Variants in FAT4 observed in about 807,000 individuals in gnomAD.
The protein encoded by FAT4 is FAT atypical cadherin 4.
FAT4 carries 84 observed loss-of-function variants against 303.9 expected under a neutral mutation model. That is an observed-to-expected ratio of 0.28 (90% CI 0.23 to 0.33). The LOEUF (loss-of-function observed/expected upper bound fraction) is 0.33, where lower values mean the gene tolerates loss of function less well. Among genes scored for constraint, FAT4 ranks in the 10% least tolerant of loss-of-function variants. The pLI is 1.00. For missense variants in FAT4, 6,005 were observed against 6,146.8 expected (o/e 0.98, Z 0.77); for synonymous variants, 2,307 against 2,298.8 (o/e 1.00, Z -0.10).
At chr4:125,394,469 T>C (rs1014684860) in intron 2 of FAT4, among the ~76,000 whole-genome samples, 25 of 152,174 alleles carry the variant, frequency 1.6e-4, no homozygotes, top group Non-Finnish European at 3.1e-4. Context: ...AACATATGCT[T>C]TTTTAGTTTA....
intron 16 of FAT4, among the ~76,000 whole-genome samples, chr4:125,484,424 G>A (rs1401506213): frequency 1.3e-5 from 2 of 151,896 alleles, no homozygotes; most frequent in Admixed American, 1.3e-4. Flanking sequence ...GTAATGTGAT[G>A]GACTTTATTT....
At chr4:125,423,605 G>T (rs1426571370) in intron 7 of FAT4, among the ~76,000 whole-genome samples, 2 of 152,208 alleles carry the variant, frequency 1.3e-5, no homozygotes, top group Non-Finnish European at 2.9e-5. Flanking sequence ...GCCTGCTGGG[G>T]CATTGCCTCA....
intron 8 of FAT4, among the ~76,000 whole-genome samples, chr4:125,439,815 A>C (rs1725590846): frequency 6.6e-6 from 1 of 152,204 alleles, no homozygotes; most frequent in South Asian, 2.1e-4. Context: ...AGAAATGCTC[A>C]GAATTTCTGT....
rs142721428 is a variant in FAT4, at chr4:125,342,350, A to T, written c.5175+20764A>T. ...AAAGTAAAATTTTTATCAAGCTCAAATAATTTCAAAGCATAGTTCAAGAGA... is the reference window on the plus strand; with the variant it reads ...AAAGTAAAATTTTTATCAAGCTCAATTAATTTCAAAGCATAGTTCAAGAGA... On this transcript the variant is annotated intron_variant, in intron 2 of 17. Transcript: ENST00000394329. Among the ~76,000 whole-genome samples, 763 of 152,164 alleles carry T rather than the reference A, an allele frequency of 5.0e-3. 32 individuals carry two copies. The South Asian group carries it at 0.076, about 15-fold the overall frequency.
intron 2 of FAT4, among the ~76,000 whole-genome samples, chr4:125,389,381 A>G (rs915211451): frequency 6.6e-6 from 1 of 152,172 alleles, no homozygotes; most frequent in Non-Finnish European, 1.5e-5. Context: ...ATAACGTAAT[A>G]AAATGGCCTT....
At chr4:125,463,772 A>G (rs1726564055) in intron 11 of FAT4, 105 bp downstream of exon 11, 1 of 572,610 alleles carries the variant, frequency 1.7e-6, no homozygotes, top group Non-Finnish European at 3.0e-6. Flanking sequence ...TTATTGTTTT[A>G]CATGGAAGGT....
intron 7 of FAT4, among the ~76,000 whole-genome samples, chr4:125,419,069 AT>A (rs1215672665): frequency 6.6e-6 from 1 of 152,210 alleles, no homozygotes; most frequent in African/African-American, 2.4e-5. Context: ...TACCTCTGAC[AT>A]TCCCAGCTAT....
At chr4:125,428,483 C>G (rs1047324680) in intron 7 of FAT4, among the ~76,000 whole-genome samples, 8 of 152,118 alleles carry the variant, frequency 5.3e-5, no homozygotes, top group African/African-American at 1.9e-4. Context: ...GAAGATTAAC[C>G]TGTGCACAGT....
At position 125,321,545 on chromosome 4, in the gene FAT4, A is replaced by G. The variant is rs1156267761; in HGVS notation, c.5134A>G (p.Ile1712Val). ...ACLYLVDVYA[I>V]EKSTAFPRTQ... ...TCTTTACCTGGTGGATGTTTATGCCATAGAAAAATCAACTGCTTTTCCCAG... is the reference window on the plus strand; with the variant it reads ...TCTTTACCTGGTGGATGTTTATGCCGTAGAAAAATCAACTGCTTTTCCCAG... Residue 1712 changes from isoleucine to valine, a missense_variant, in exon 2 of 18, where the codon ATA becomes GTA. Ile to Val is a conservative substitution (Grantham distance 29). Transcript: ENST00000394329. 4 of 1,612,384 alleles carry G rather than the reference A, an allele frequency of 2.5e-6. No individual in the cohort carries two copies. Among genetic ancestry groups the G allele is most frequent in the Middle Eastern group, 1.7e-4 (1 of 6,044 alleles).
At chr4:125,412,907 A>G (rs1734900316) in intron 5 of FAT4, among the ~76,000 whole-genome samples, 2 of 151,832 alleles carry the variant, frequency 1.3e-5, no homozygotes, top group South Asian at 4.1e-4. Context: ...ATGTCCCCAA[A>G]AGAATGGGGA....
intron 12 of FAT4, 112 bp downstream of exon 12, chr4:125,468,931 G>A: frequency 1.7e-6 from 2 of 1,176,470 alleles, no homozygotes; most frequent in Non-Finnish European, 2.4e-6. Flanking sequence ...GAACACTTTA[G>A]TTATGAAAAA....
At position 125,446,404 on chromosome 4, in the gene FAT4, G is replaced by C; in HGVS notation, c.7311G>C (p.Val2437=). 6.2e-7 allele frequency: 1 copy of C among 1,613,430 alleles called. No individual in the cohort carries two copies. The highest frequency in any genetic ancestry group is 8.5e-7 in the Non-Finnish European group (1 of 1,179,542). The change falls in exon 9 of 18, where the codon GTG becomes GTC. Residue 2437 remains valine (V), a synonymous_variant. Transcript: ENST00000394329. ...RETKDNYTLV[V]VCSDAGSPEP... is the part of the protein sequence containing the mutation. ...CAAAAGATAATTATACTTTGGTAGT[G>C]GTCTGCAGTGATGCGGGATCCCCAG...
chr4:125,490,915 T>C lies in FAT4; in HGVS notation c.14099T>C (p.Leu4700Pro), dbSNP rs1013500182. The C allele has an allele frequency of 4.3e-6, 7 of 1,614,202 alleles. No homozygotes were observed. Among genetic ancestry groups the C allele is most frequent in the Non-Finnish European group, 5.9e-6 (7 of 1,180,032 alleles). The stretch of plus-strand genomic sequence containing the variant: ...TCAGCATGCCCAACTCCCAACCCTC[T>C]GTCTCGACACAGTCCAGCCCCTTTC... The part of the protein sequence containing the change: ...SHSACPTPNP[L>P]SRHSPAPFSK... The change falls in exon 18 of 18, where the codon CTG becomes CCG. Residue 4700 changes from leucine (L) to proline (P), a missense_variant. Leu to Pro is a moderately conservative substitution (Grantham distance 98). Coordinates refer to ENST00000394329, the MANE Select transcript of FAT4 (RefSeq NM_001291303.3).
At chr4:125,439,903 A>T (rs1329828170) in intron 8 of FAT4, among the ~76,000 whole-genome samples, 6 of 152,192 alleles carry the variant, frequency 3.9e-5, no homozygotes, top group Admixed American at 2.0e-4. Flanking sequence ...TTTCTGCATC[A>T]ATAAAAATGA....
chr4:125,488,844 G>A (rs956665294), intron 17 of FAT4, among the ~76,000 whole-genome samples: 2 of 152,112 alleles, frequency 1.3e-5, no homozygotes, highest in African/African-American at 2.4e-5. Flanking sequence ...ACATGAGGGC[G>A]TAGAGTGAAA....
At chr4:125,436,047 G>T (rs145841119) in intron 8 of FAT4, among the ~76,000 whole-genome samples, 1 of 149,150 alleles carries the variant, frequency 6.7e-6, no homozygotes, top group East Asian at 2.0e-4. Flanking sequence ...TCATGGGGTC[G>T]GGGGAGGGGG....
At chr4:125,398,479 T>C (rs1734263368) in intron 2 of FAT4, among the ~76,000 whole-genome samples, 1 of 152,178 alleles carries the variant, frequency 6.6e-6, no homozygotes, top group African/African-American at 2.4e-5. Flanking sequence ...AGTTCCATAG[T>C]GATGTGCAAA....
chr4:125,486,804 G>T (rs997814158), intron 16 of FAT4, among the ~76,000 whole-genome samples: 1 of 152,138 alleles, frequency 6.6e-6, no homozygotes, highest in African/African-American at 2.4e-5. Context: ...CTCAATAAAT[G>T]ATATAAACAA....
chr4:125,358,729 C>A (rs927425445), intron 2 of FAT4, among the ~76,000 whole-genome samples: 1 of 152,038 alleles, frequency 6.6e-6, no homozygotes, highest in Non-Finnish European at 1.5e-5. Context: ...CATATCAGGC[C>A]GGTTTCCTAT....
Sources: allele counts gnomAD v4.1 joint callset (sites outside exome capture counted in the v4.1 genomes callset), GRCh38; gene constraint gnomAD v4.1.1; transcripts MANE v1.5; gene names NCBI Gene and HGNC (gene_info 2026-07-23, HGNC 2026-07-21).